DMD: variants seen among roughly 807,000 people sequenced by gnomAD.
DMD encodes dystrophin.
DMD carries 63 observed loss-of-function variants against 330.1 expected under a neutral mutation model. That is an observed-to-expected ratio of 0.19 (90% CI 0.16 to 0.24). The LOEUF (loss-of-function observed/expected upper bound fraction) is 0.24. Among genes scored for constraint, DMD ranks in the 10% least tolerant of loss-of-function variants. DMD has a pLI of 1.00. For missense variants in DMD, 3,344 were observed against 2,684.1 expected, an observed-to-expected ratio of 1.25 and a Z score of -5.43; for synonymous variants, 1,223 against 959.8, an observed-to-expected ratio of 1.27 and a Z score of -5.07.
intron 7 of DMD, among the ~76,000 whole-genome samples, chrX:32,786,082 TAA>T (rs1292909014): frequency 1.1e-5 from 1 of 92,148 alleles, no homozygotes; most frequent in Non-Finnish European, 2.1e-5. Flanking sequence ...TGAGGAGGAA[TAA>T]GAGTGTGTGT....
At chrX:33,125,383 T>C (rs149761042) in intron 1 of DMD, among the ~76,000 whole-genome samples, 1,724 of 111,692 alleles carry the variant, frequency 0.015, 20 homozygotes, top group Middle Eastern at 0.033. Flanking sequence ...TTCCTTGATA[T>C]GTTTAATCAA....
intron 1 of DMD, among the ~76,000 whole-genome samples, chrX:33,029,281 T>C (rs1287188423): frequency 8.9e-6 from 1 of 112,150 alleles, no homozygotes; most frequent in Admixed American, 9.5e-5. Flanking sequence ...TTGCTACTTA[T>C]TTTCATCACT....
intron 64 of DMD, among the ~76,000 whole-genome samples, chrX:31,217,701 T>C (rs1041647088): frequency 8.9e-6 from 1 of 112,017 alleles, no homozygotes; most frequent in African/African-American, 3.2e-5. Context: ...AATATAAAAT[T>C]AGGAGAAAAT....
At chrX:33,016,370 T>C (rs956272369) in intron 2 of DMD, among the ~76,000 whole-genome samples, 1 of 111,783 alleles carries the variant, frequency 8.9e-6, no homozygotes, top group African/African-American at 3.2e-5. Context: ...ACATACAGCG[T>C]AGAAGGTATA....
At chrX:32,229,668 C>T (rs2097160760) in intron 43 of DMD, among the ~76,000 whole-genome samples, 1 of 62,476 alleles carries the variant, frequency 1.6e-5, no homozygotes, top group Non-Finnish European at 2.9e-5. Flanking sequence ...ATATATATCT[C>T]AAAGAGTTTC....
At chrX:32,888,014 A>G (rs918948320) in intron 2 of DMD, among the ~76,000 whole-genome samples, 11 of 110,911 alleles carry the variant, frequency 9.9e-5, no homozygotes, top group African/African-American at 3.3e-4. Flanking sequence ...CTTAAACTCA[A>G]TAGCAATACA....
intron 2 of DMD, among the ~76,000 whole-genome samples, chrX:32,854,234 C>T (rs1350737705): frequency 9.0e-6 from 1 of 111,374 alleles, no homozygotes; most frequent in Non-Finnish European, 1.9e-5. Flanking sequence ...CCAACAGCTG[C>T]AGAGTGTACA....
intron 55 of DMD, among the ~76,000 whole-genome samples, chrX:31,514,278 C>T (rs1425225523): frequency 8.9e-6 from 1 of 111,739 alleles, no homozygotes; most frequent in Non-Finnish European, 1.9e-5. Flanking sequence ...AAGTTCTGTA[C>T]AATTATAGAG....
chrX:31,177,927 C>G lies in DMD; in HGVS notation c.10262+5G>C, dbSNP rs758885534. 7 of 1,203,292 alleles carry G rather than the reference C, an allele frequency of 5.8e-6. No homozygotes were observed. The East Asian group carries it at 1.8e-4, about 31-fold the overall frequency. ...GCAGCACCCTTCAGCAAAAAAAGTA[C>G]TCACGCAGAATCTACTGGCCAGAAG... On this transcript the variant is annotated splice_donor_5th_base_variant and intron_variant, in intron 71 of 78. Transcript: ENST00000357033.
At chrX:32,335,473 T>C (rs2097701456) in intron 41 of DMD, among the ~76,000 whole-genome samples, 1 of 99,696 alleles carries the variant, frequency 1.0e-5, no homozygotes, top group Admixed American at 1.2e-4. Context: ...ATATATAACA[T>C]GTATTTATAA....
chrX:31,311,073 T>C (rs1195785658), intron 62 of DMD, among the ~76,000 whole-genome samples: 1 of 111,842 alleles, frequency 8.9e-6, no homozygotes, highest in Non-Finnish European at 1.9e-5. Flanking sequence ...AAGAATAAAG[T>C]ATCATTCTGC....
intron 7 of DMD, among the ~76,000 whole-genome samples, chrX:32,751,022 G>A (rs755405382): frequency 5.1e-4 from 57 of 111,920 alleles, no homozygotes; most frequent in African/African-American, 1.3e-3. Context: ...CCCTAGCTAC[G>A]TGGAACTCTA....
Position 32,330,746 on chromosome X carries a change from T to C in DMD, c.5922+11354A>G, listed in dbSNP as rs144790010. 3.3e-3 allele frequency among the ~76,000 whole-genome samples: 369 copies of C among 111,331 alleles called. 13 individuals carry two copies. In the East Asian group the frequency reaches 0.09, roughly 27 times the overall value. ...TTTACGTTTTGTGTTGTCTGGCACT[T>C]AGGAGGCACTAGATAAATGTTTATT... On this transcript the variant is annotated intron_variant, in intron 41 of 78. Transcript: ENST00000357033.
At chrX:31,640,420 C>T (rs1298638473) in intron 54 of DMD, among the ~76,000 whole-genome samples, 2 of 112,248 alleles carry the variant, frequency 1.8e-5, no homozygotes, top group African/African-American at 3.2e-5. Context: ...AGAATGACAA[C>T]GAGGAAGCTT....
chrX:32,033,689 GA>G (rs2095914080), intron 44 of DMD, among the ~76,000 whole-genome samples: 2 of 105,223 alleles, frequency 1.9e-5, no homozygotes, highest in African/African-American at 7.1e-5. Context: ...AAGAAAGAAA[GA>G]GAAAGAAAGA....
At chrX:32,329,612 T>G (rs1285615632) in intron 41 of DMD, among the ~76,000 whole-genome samples, 3 of 112,608 alleles carry the variant, frequency 2.7e-5, no homozygotes, top group Non-Finnish European at 5.6e-5. Context: ...ATGTTTCATG[T>G]GTGTTTATGA....
At chrX:31,827,403 A>T (rs990120986) in intron 49 of DMD, among the ~76,000 whole-genome samples, 36 of 112,267 alleles carry the variant, frequency 3.2e-4, no homozygotes, top group African/African-American at 1.1e-3. Context: ...TGCACCTAAC[A>T]CTGGTGCTCC....
chrX:32,376,735 A>C (rs1440887539), intron 34 of DMD, among the ~76,000 whole-genome samples: 1 of 109,679 alleles, frequency 9.1e-6, no homozygotes, highest in East Asian at 2.9e-4. Context: ...TCTCATAAAA[A>C]CTTAAGTGTT....
intron 9 of DMD, among the ~76,000 whole-genome samples, chrX:32,662,489 T>C (rs1282941983): frequency 8.9e-6 from 1 of 111,811 alleles, no homozygotes; most frequent in African/African-American, 3.2e-5. Flanking sequence ...AATAACATTG[T>C]GCCTAGGCCT....
Sources: gnomAD v4.1 joint callset for allele counts (sites outside exome capture counted in the v4.1 genomes callset) on GRCh38, gnomAD v4.1.1 for gene constraint, MANE v1.5 for transcripts, NCBI Gene and HGNC (gene_info 2026-07-23, HGNC 2026-07-21) for gene names.